Variants in MS4A5 observed in about 807,000 individuals in gnomAD.
The protein encoded by MS4A5 is membrane-spanning 4-domains subfamily A member 5.
A neutral mutation model predicts 18.2 loss-of-function variants in MS4A5; 15 were observed. The ratio of observed to expected loss-of-function variants is 0.83; its 90% CI spans 0.55 to 1.27. The LOEUF (loss-of-function observed/expected upper bound fraction) is 1.27. Among genes scored for constraint, MS4A5 ranks in the 50% most tolerant of loss-of-function variants. The probability of loss-of-function intolerance (pLI) is 0.00; values close to 1 mark genes in which losing one functional copy is unlikely to be tolerated. For synonymous variants in MS4A5, 89 were observed against 78.7 expected (o/e 1.13, Z -0.69); for missense variants, 232 against 225.7 (o/e 1.03, Z -0.18).
At chr11:60,430,179 C>T (rs528301153) in intron 1 of MS4A5, among the ~76,000 whole-genome samples, 1 of 152,212 alleles carries the variant, frequency 6.6e-6, no homozygotes, top group Admixed American at 6.5e-5. Context: ...TGTATATTGT[C>T]CTCATTAGTC....
intron 4 of MS4A5, among the ~76,000 whole-genome samples, chr11:60,438,281 G>A (rs972375381): frequency 1.3e-5 from 2 of 152,224 alleles, no homozygotes; most frequent in Admixed American, 6.5e-5. Flanking sequence ...GCAGGATGTA[G>A]AGGGAAATTT....
intron 4 of MS4A5, among the ~76,000 whole-genome samples, chr11:60,437,539 A>C (rs1054456699): frequency 2.0e-5 from 3 of 152,228 alleles, no homozygotes; most frequent in Admixed American, 1.3e-4. Flanking sequence ...TCTCATGTGC[A>C]GAGACACACA....
chr11:60,442,866 C>T lies in MS4A5; in HGVS notation c.493-4783C>T, dbSNP rs184078084. Among the ~76,000 whole-genome samples the T allele has an allele frequency of 1.5e-3, 222 of 152,244 alleles. 1 individual carries two copies. The highest frequency in any genetic ancestry group is 1.3e-3 in the Non-Finnish European group (91 of 68,032). On this transcript the variant is annotated intron_variant, in intron 4 of 4. Transcript: ENST00000300190. ...CAAAAATGAAAGTGAAATAGCCAGG[C>T]GCAGTGGCTCAGGCCTGTAATCCCA...
chr11:60,433,786 A>G lies in MS4A5; in HGVS notation c.361A>G (p.Asn121Asp). The change falls in exon 4 of 5, where the codon AAT (asparagine) becomes GAT (aspartate). Residue 121 changes from asparagine to aspartate, a missense_variant. Coordinates refer to ENST00000300190, the MANE Select transcript of MS4A5 (RefSeq NM_023945.3). Reference protein sequence around the residue: ...ETLIILSRIMNFLSALGAIAG... With the variant: ...ETLIILSRIMDFLSALGAIAG... ...TCAGATAATATTGAGCCGAATAATG[A>G]ATTTTCTTAGTGCCCTGGGAGCAAT... 1 of 1,613,990 alleles carries G rather than the reference A, an allele frequency of 6.2e-7. No homozygotes were observed. The highest frequency in any genetic ancestry group is 8.5e-7 in the Non-Finnish European group (1 of 1,179,850).
At position 60,435,723 on chromosome 11, in the gene MS4A5, C is replaced by T. The variant is rs1179803716; in HGVS notation, c.492+1806C>T. ...CCACCCGAATACTGCGCTTTTCCGACGGGCTTAAAAAACGGCGCACCACGA... is the reference window on the plus strand; with the variant it reads ...CCACCCGAATACTGCGCTTTTCCGATGGGCTTAAAAAACGGCGCACCACGA... On this transcript the variant is annotated intron_variant, in intron 4 of 4. Transcript: ENST00000300190. Among the ~76,000 whole-genome samples, 19 of 152,184 alleles carry T rather than the reference C, an allele frequency of 1.2e-4. No individual in the cohort carries two copies. The South Asian group carries it at 1.9e-3, about 15-fold the overall frequency.
At chr11:60,431,073 C>T (rs2086046295) in intron 2 of MS4A5, 149 bp downstream of exon 2, 3 of 783,016 alleles carry the variant, frequency 3.8e-6, no homozygotes, top group Admixed American at 6.2e-5. Context: ...CCCATTAGTT[C>T]ATCACAGTCA....
chr11:60,436,486 G>T (rs1346707876), intron 4 of MS4A5, among the ~76,000 whole-genome samples: 1 of 136,850 alleles, frequency 7.3e-6, no homozygotes, highest in African/African-American at 2.5e-5. Context: ...GCTATGGGAG[G>T]ACATTCAAAC....
At chr11:60,438,126 A>G (rs1490852014) in intron 4 of MS4A5, among the ~76,000 whole-genome samples, 2 of 152,088 alleles carry the variant, frequency 1.3e-5, no homozygotes, top group Non-Finnish European at 2.9e-5. Flanking sequence ...ATCTCACTCA[A>G]AACTGCTCAA....
At chr11:60,443,072 C>T (rs1345593347) in intron 4 of MS4A5, among the ~76,000 whole-genome samples, 5 of 152,052 alleles carry the variant, frequency 3.3e-5, no homozygotes, top group Admixed American at 1.3e-4. Context: ...ACCTGGGAGG[C>T]GGAAGTTGAA....
At chr11:60,435,258 A>G in intron 4 of MS4A5, 2 of 390,806 alleles carry the variant, frequency 5.1e-6, no homozygotes, top group Non-Finnish European at 4.9e-6. Context: ...ATTAACAGTA[A>G]GCACTCAAAA....
rs1288196826 is a variant in MS4A5, at chr11:60,436,509, G to A, written c.492+2592G>A. 5.1e-5 allele frequency among the ~76,000 whole-genome samples: 7 copies of A among 136,224 alleles called. 1 individual carries two copies. Among genetic ancestry groups the A allele is most frequent in the South Asian group, 2.4e-4 (1 of 4,214 alleles). 89.4% of individuals were successfully genotyped at this position (136,224 alleles called of 152,430 possible). On this transcript the variant is annotated intron_variant, in intron 4 of 4. Transcript: ENST00000300190. ...AGGACATTCAAACCAAAGGCAAAGA[G>A]GTTGAAAACTTTGAAAAAAATTTAG...
chr11:60,447,545 G>A, intron 4 of MS4A5, 104 bp from the exon 5 acceptor site: 2 of 638,530 alleles, frequency 3.1e-6, no homozygotes, highest in Non-Finnish European at 5.4e-6. Flanking sequence ...GATATTTGGG[G>A]AAGCTTTTAT....
At chr11:60,446,870 C>A (rs891793973) in intron 4 of MS4A5, among the ~76,000 whole-genome samples, 33 of 150,906 alleles carry the variant, frequency 2.2e-4, no homozygotes, top group African/African-American at 5.8e-4. Context: ...ATTTTTAGTT[C>A]TTTTTCCTGT....
At chr11:60,444,282 A>G (rs1365905254) in intron 4 of MS4A5, among the ~76,000 whole-genome samples, 2 of 152,230 alleles carry the variant, frequency 1.3e-5, no homozygotes, top group African/African-American at 2.4e-5. Flanking sequence ...GGATATCAGA[A>G]GTACACAATT....
intron 4 of MS4A5, among the ~76,000 whole-genome samples, chr11:60,446,785 G>A (rs1023028315): frequency 2.0e-5 from 3 of 150,738 alleles, no homozygotes; most frequent in African/African-American, 7.3e-5. Context: ...AACTACTAGC[G>A]TATGCTTCTT....
Position 60,429,776 on chromosome 11 carries a change from A to G in MS4A5, c.102A>G (p.Ser34=). The stretch of plus-strand genomic sequence containing the variant: ...CAGAACTTTCAGCCACGACCTTTTC[A>G]ACTCAAAGCCCCTTGCAAAAATTAT... ...ESTELSATTF[S]TQSPLQKLFA... Residue 34 remains serine (S), a synonymous_variant, in exon 1 of 5, where the codon TCA becomes TCG. Coordinates refer to ENST00000300190, the MANE Select transcript of MS4A5 (RefSeq NM_023945.3). 3 of 1,614,148 alleles carry G rather than the reference A, an allele frequency of 1.9e-6. No homozygotes were observed. The highest frequency in any genetic ancestry group is 2.5e-6 in the Non-Finnish European group (3 of 1,180,026).
At chr11:60,430,500 TA>T (rs2086042567) in intron 1 of MS4A5, among the ~76,000 whole-genome samples, 1 of 152,190 alleles carries the variant, frequency 6.6e-6, no homozygotes, top group Non-Finnish European at 1.5e-5. Context: ...GACCGTTCAG[TA>T]AGTATGGGAT....
rs1405689940 is a variant in MS4A5, at chr11:60,436,349, A to C, written c.492+2432A>C. Among the ~76,000 whole-genome samples, 19 of 139,738 alleles carry C rather than the reference A, an allele frequency of 1.4e-4. 3 individuals carry two copies. Among genetic ancestry groups the C allele is most frequent in the Non-Finnish European group, 2.4e-4 (15 of 61,364 alleles). 91.7% of individuals were successfully genotyped at this position (139,738 alleles called of 152,430 possible). A position where few individuals can be genotyped will look rare whatever the true frequency, so the allele number is the denominator to read the frequency against. On this transcript the variant is annotated intron_variant, in intron 4 of 4. Coordinates refer to ENST00000300190, the MANE Select transcript of MS4A5 (RefSeq NM_023945.3). ...AAAAAACAGAACAGAAAAACTGGAA[A>C]CTCTAAAAAGCAGAGTGCCACTCCT...
intron 4 of MS4A5, among the ~76,000 whole-genome samples, chr11:60,434,778 GC>G (rs1203154703): frequency 6.6e-6 from 1 of 152,176 alleles, no homozygotes; most frequent in Admixed American, 6.5e-5. Flanking sequence ...AGCTACTTAT[GC>G]CTTCAGACCC....
Sources: gnomAD v4.1 joint callset for allele counts (sites outside exome capture counted in the v4.1 genomes callset) on GRCh38, gnomAD v4.1.1 for gene constraint, MANE v1.5 for transcripts, NCBI Gene and HGNC (gene_info 2026-07-23, HGNC 2026-07-21) for gene names.